Variants in HAPLN1 observed in about 807,000 individuals in gnomAD.
The protein encoded by HAPLN1 is Cartilage link protein.
A neutral mutation model predicts 36.5 loss-of-function variants in HAPLN1; 13 were observed. That is an observed-to-expected ratio of 0.36 (90% CI 0.23 to 0.57). HAPLN1 has a LOEUF of 0.57. HAPLN1 is among the 20% of genes least tolerant of loss of function. The pLI is 0.83. For missense variants in HAPLN1, 407 were observed against 439.7 expected, an observed-to-expected ratio of 0.93 and a Z score of 0.66; for synonymous variants, 202 against 169.8, an observed-to-expected ratio of 1.19 and a Z score of -1.48.
chr5:83,645,588 C>T (rs1398401660), intron 3 of HAPLN1, among the ~76,000 whole-genome samples: 1 of 148,486 alleles, frequency 6.7e-6, no homozygotes, highest in Non-Finnish European at 1.5e-5. Context: ...ATTGGATACC[C>T]CTGCTAAAGT....
At chr5:83,667,976 G>C (rs1750601024) in intron 2 of HAPLN1, among the ~76,000 whole-genome samples, 1 of 152,168 alleles carries the variant, frequency 6.6e-6, no homozygotes, top group South Asian at 2.1e-4. Context: ...TAATTCTCTT[G>C]TTCATCTGCT....
chr5:83,638,876 A>G lies in HAPLN1; in HGVS notation c.*2620T>C, dbSNP rs1477317029. 1 of 151,982 alleles carries G rather than the reference A, an allele frequency of 6.6e-6. No homozygotes were observed. Among genetic ancestry groups the G allele is most frequent in the Non-Finnish European group, 1.5e-5 (1 of 67,936 alleles). The allele number at this position is 151,982 out of a possible 1,614,324, so 9.4% of individuals were successfully genotyped here. On this transcript the variant is annotated 3_prime_UTR_variant, in exon 5 of 5. Coordinates refer to ENST00000274341, the MANE Select transcript of HAPLN1 (RefSeq NM_001884.4). Reference sequence around the variant, plus strand: ...TGCTTCTTTTTGTTTGGGTTTTCCAATGTAGATGTCTCAGTGAAATGTGCA... The same window carrying G: ...TGCTTCTTTTTGTTTGGGTTTTCCAGTGTAGATGTCTCAGTGAAATGTGCA...
intron 1 of HAPLN1, among the ~76,000 whole-genome samples, chr5:83,694,547 T>C (rs1008260852): frequency 6.6e-6 from 1 of 151,988 alleles, no homozygotes; most frequent in Non-Finnish European, 1.5e-5. Flanking sequence ...ATTATCAATA[T>C]AATGAATGAA....
intron 3 of HAPLN1, among the ~76,000 whole-genome samples, chr5:83,651,008 G>A (rs1750047043): frequency 6.6e-6 from 1 of 151,816 alleles, no homozygotes; most frequent in African/African-American, 2.4e-5. Context: ...TTATTTTATT[G>A]TATTTATTTT....
chr5:83,713,565 G>A (rs1229707545), intron 1 of HAPLN1, among the ~76,000 whole-genome samples: 2 of 152,118 alleles, frequency 1.3e-5, no homozygotes, highest in Non-Finnish European at 2.9e-5. Flanking sequence ...TAATGCCAGA[G>A]TCTTCCAAAT....
chr5:83,691,723 T>C (rs1292857834), intron 1 of HAPLN1, among the ~76,000 whole-genome samples: 1 of 151,814 alleles, frequency 6.6e-6, no homozygotes, highest in African/African-American at 2.4e-5. Flanking sequence ...CTACTGGGCT[T>C]ACAAAGAAGC....
intron 1 of HAPLN1, among the ~76,000 whole-genome samples, chr5:83,718,660 G>A (rs911990696): frequency 1.3e-5 from 2 of 152,146 alleles, no homozygotes; most frequent in Admixed American, 6.5e-5. Context: ...CATAGACTAA[G>A]TACTATGGTT....
At chr5:83,687,639 C>A (rs1751162266) in intron 1 of HAPLN1, among the ~76,000 whole-genome samples, 1 of 152,296 alleles carries the variant, frequency 6.6e-6, no homozygotes, top group Admixed American at 6.5e-5. Flanking sequence ...AGAGTAATGT[C>A]CACATTGTAT....
At chr5:83,690,458 G>A (rs1459948840) in intron 1 of HAPLN1, among the ~76,000 whole-genome samples, 3 of 152,030 alleles carry the variant, frequency 2.0e-5, no homozygotes, top group Non-Finnish European at 4.4e-5. Flanking sequence ...AGAAACATCT[G>A]TAAATGGGAA....
intron 1 of HAPLN1, among the ~76,000 whole-genome samples, chr5:83,682,042 C>A (rs1051105199): frequency 6.6e-6 from 1 of 152,088 alleles, no homozygotes; most frequent in Non-Finnish European, 1.5e-5. Flanking sequence ...CAACTAAATG[C>A]ATTTGAAATT....
At chr5:83,666,574 T>C (rs1246584334) in intron 2 of HAPLN1, among the ~76,000 whole-genome samples, 1 of 152,176 alleles carries the variant, frequency 6.6e-6, no homozygotes, top group African/African-American at 2.4e-5. Context: ...CAGAATAGCA[T>C]AGAATTCAGC....
intron 1 of HAPLN1, among the ~76,000 whole-genome samples, chr5:83,699,313 A>C (rs558651323): frequency 3.9e-5 from 6 of 152,244 alleles, no homozygotes. Flanking sequence ...GGCAATGTAC[A>C]TAGTGGCTGC....
intron 2 of HAPLN1, among the ~76,000 whole-genome samples, chr5:83,653,282 G>T (rs934239396): frequency 5.3e-5 from 8 of 152,110 alleles, no homozygotes; most frequent in Admixed American, 1.3e-4. Flanking sequence ...AGTTTATATT[G>T]TACTTACAGG....
chr5:83,696,095 G>A (rs1029551020), intron 1 of HAPLN1, among the ~76,000 whole-genome samples: 1 of 152,048 alleles, frequency 6.6e-6, no homozygotes, highest in African/African-American at 2.4e-5. Flanking sequence ...TATGATCCAT[G>A]TGCAAACATC....
chr5:83,709,346 A>G (rs1196963040), intron 1 of HAPLN1, among the ~76,000 whole-genome samples: 1 of 152,238 alleles, frequency 6.6e-6, no homozygotes, highest in Non-Finnish European at 1.5e-5. Flanking sequence ...AAGCATATTA[A>G]TCACATAAAG....
At chr5:83,665,063 T>C (rs1750515030) in intron 2 of HAPLN1, among the ~76,000 whole-genome samples, 1 of 151,614 alleles carries the variant, frequency 6.6e-6, no homozygotes, top group Non-Finnish European at 1.5e-5. Flanking sequence ...ACAGCATAAT[T>C]GACAACATTT....
chr5:83,701,997 A>C (rs1339439007), intron 1 of HAPLN1, among the ~76,000 whole-genome samples: 1 of 152,004 alleles, frequency 6.6e-6, no homozygotes, highest in Non-Finnish European at 1.5e-5. Flanking sequence ...ATAAAATATT[A>C]AGAGAGAAAT....
At chr5:83,659,550 A>G (rs1249132075) in intron 2 of HAPLN1, among the ~76,000 whole-genome samples, 1 of 152,160 alleles carries the variant, frequency 6.6e-6, no homozygotes, top group Non-Finnish European at 1.5e-5. Flanking sequence ...ATTTTAAACC[A>G]TGTGAATGTA....
At chr5:83,682,776 T>C (rs1375455528) in intron 1 of HAPLN1, among the ~76,000 whole-genome samples, 1 of 152,180 alleles carries the variant, frequency 6.6e-6, no homozygotes. Context: ...TTAAATTGAG[T>C]TTCCAAATTG....
Sources: gnomAD v4.1 joint callset for allele counts (sites outside exome capture counted in the v4.1 genomes callset) on GRCh38, gnomAD v4.1.1 for gene constraint, MANE v1.5 for transcripts, NCBI Gene and HGNC (gene_info 2026-07-23, HGNC 2026-07-21) for gene names.